The following PRICKLE2 variants were observed in gnomAD, a reference collection of about 807,000 sequenced individuals.
PRICKLE2 encodes prickle planar cell polarity protein 2.
PRICKLE2 carries 21 observed loss-of-function variants against 81.4 expected under a neutral mutation model. The ratio of observed to expected loss-of-function variants is 0.26; its 90% CI spans 0.18 to 0.37. PRICKLE2 has a LOEUF of 0.37. PRICKLE2 is among the 10% of genes least tolerant of loss of function. The pLI is 1.00. For missense variants in PRICKLE2, 940 were observed against 1,109.0 expected (o/e 0.85, Z 2.16); for synonymous variants, 456 against 421.5 (o/e 1.08, Z -1.00).
chr3:64,152,197 G>T (rs2077558811), intron 6 of PRICKLE2, among the ~76,000 whole-genome samples: 1 of 152,160 alleles, frequency 6.6e-6, no homozygotes, highest in African/African-American at 2.4e-5. Flanking sequence ...CTCCAAAATG[G>T]ATTATCTCTG....
chr3:64,185,747 G>C (rs188531822), intron 2 of PRICKLE2, among the ~76,000 whole-genome samples: 1 of 152,318 alleles, frequency 6.6e-6, no homozygotes, highest in East Asian at 1.9e-4. Flanking sequence ...GTTTGCTAAA[G>C]AGTAACTTCA....
intron 7 of PRICKLE2, among the ~76,000 whole-genome samples, chr3:64,115,978 G>A (rs1174169125): frequency 6.6e-6 from 1 of 152,074 alleles, no homozygotes; most frequent in African/African-American, 2.4e-5. Flanking sequence ...CAAAAGAACT[G>A]AAATCATAAC....
rs537162579 is a variant in PRICKLE2, at chr3:64,248,649, AC to A, written c.129-49683del. ...ATATCATATATTTAAACAAAACAAAACCAAAACCAAAAAAAACAAAACAAAA... is the reference window on the plus strand; with the variant it reads ...ATATCATATATTTAAACAAAACAAAACAAAACCAAAAAAAACAAAACAAAA... On this transcript the variant is annotated intron_variant, in intron 2 of 8. Transcript: ENST00000295902. Among the ~76,000 whole-genome samples the A allele has an allele frequency of 7.5e-3, 1,111 of 147,344 alleles. 18 individuals carry two copies. The highest frequency in any genetic ancestry group is 7.2e-3 in the Non-Finnish European group (485 of 67,260).
intron 1 of PRICKLE2, chr3:64,199,322 T>A (rs545452483): frequency 4.7e-5 from 18 of 380,276 alleles, no homozygotes; most frequent in African/African-American, 3.0e-4. Context: ...TTTCCTTGAC[T>A]GCAATAGCAA....
chr3:64,128,500 CA>C (rs1349970014), intron 7 of PRICKLE2, among the ~76,000 whole-genome samples: 3 of 152,096 alleles, frequency 2.0e-5, no homozygotes, highest in Non-Finnish European at 2.9e-5. Context: ...GTAATCCTAA[CA>C]CTTTGGGAGC....
At position 64,225,268 on chromosome 3, in the gene PRICKLE2, C is replaced by G. The variant is rs755434067; in HGVS notation, c.-399G>C. On this transcript the variant is annotated 5_prime_UTR_variant, in exon 1 of 8. Transcript: ENST00000638394. ...GGACCCCCAGTTTCCTCTTAACTCC[C>G]CTTCTTCATGACAATCTGAAGGAAG... is the stretch of plus-strand genomic sequence containing the variant. 5.4e-5 allele frequency: 53 copies of G among 985,406 alleles called. No homozygotes were observed. Among genetic ancestry groups the G allele is most frequent in the Non-Finnish European group, 6.0e-5 (50 of 830,032 alleles). 61.0% of individuals were successfully genotyped at this position (985,406 alleles called of 1,614,324 possible).
At chr3:64,168,922 G>A (rs1456343469) in intron 2 of PRICKLE2, among the ~76,000 whole-genome samples, 2 of 152,076 alleles carry the variant, frequency 1.3e-5, no homozygotes, top group African/African-American at 2.4e-5. Flanking sequence ...CCAAATTACA[G>A]TCTTTCCACA....
intron 2 of PRICKLE2, among the ~76,000 whole-genome samples, chr3:64,197,747 G>A (rs1462021258): frequency 6.6e-6 from 1 of 151,936 alleles, no homozygotes; most frequent in Non-Finnish European, 1.5e-5. Context: ...TAACTAATGG[G>A]TACTAGGCTT....
intron 2 of PRICKLE2, among the ~76,000 whole-genome samples, chr3:64,185,782 A>G (rs143399689): frequency 1.3e-5 from 2 of 152,334 alleles, no homozygotes; most frequent in African/African-American, 4.8e-5. Context: ...CCATCACTTT[A>G]TCGAGGTATC....
At chr3:64,217,477 T>C (rs2078889929) in intron 1 of PRICKLE2, among the ~76,000 whole-genome samples, 1 of 152,200 alleles carries the variant, frequency 6.6e-6, no homozygotes, top group African/African-American at 2.4e-5. Flanking sequence ...AAACTTTCAG[T>C]AAGCCTGCAG....
chr3:64,129,994 G>A (rs946647518), intron 7 of PRICKLE2, among the ~76,000 whole-genome samples: 13 of 152,178 alleles, frequency 8.5e-5, no homozygotes, highest in African/African-American at 3.1e-4. Context: ...GTCACCAAGA[G>A]TTTTTATTTT....
intron 2 of PRICKLE2, among the ~76,000 whole-genome samples, chr3:64,230,501 G>A (rs564160814): frequency 2.0e-5 from 3 of 152,302 alleles, no homozygotes; most frequent in East Asian, 3.9e-4. Flanking sequence ...TTTGAAACAT[G>A]TGAAGCTTCT....
rs376231873 is a variant in PRICKLE2, at chr3:64,147,131, C to T, written c.1359G>A (p.Ser453=). The T allele has an allele frequency of 2.5e-5, 40 of 1,614,018 alleles. No individual in the cohort carries two copies. In the South Asian group the frequency reaches 3.2e-4, roughly 13 times the overall value. The change falls in exon 7 of 8, where the codon TCG becomes TCA. Residue 453 remains serine (S), a synonymous_variant. Coordinates refer to ENST00000638394, the MANE Select transcript of PRICKLE2 (RefSeq NM_198859.4). The surrounding 1 kb of genome is among the most constrained non-coding windows in gnomAD (Gnocchi z 5.0). The part of the protein sequence containing the change: ...GKHFSNPKRS[S]SLAMTGHAGS... ...CAGCATGTCCTGTCATGGCCAGTGA[C>T]GAGCTCCTTTTGGGGTTGCTGAAGT... is the stretch of plus-strand genomic sequence containing the variant.
intron 4 of PRICKLE2, among the ~76,000 whole-genome samples, chr3:64,159,325 G>A (rs897632533): frequency 1.3e-5 from 2 of 152,220 alleles, no homozygotes; most frequent in African/African-American, 4.8e-5. Flanking sequence ...CTCGTTCTGG[G>A]ATGATCCTGG....
At chr3:64,223,202 GACA>G (rs770347983) in intron 1 of PRICKLE2, among the ~76,000 whole-genome samples, 35 of 152,016 alleles carry the variant, frequency 2.3e-4, no homozygotes, top group Admixed American at 7.9e-4. Flanking sequence ...TGGTAACAAT[GACA>G]ACAACAACAA....
chr3:64,260,854 AAT>A lies in PRICKLE2; in HGVS notation c.129-61889_129-61888del, dbSNP rs200446123. Among the ~76,000 whole-genome samples the A allele has an allele frequency of 2.4e-4, 37 of 152,300 alleles. 1 individual carries two copies. In the East Asian group the frequency reaches 7.1e-3, roughly 29 times the overall value. ...AAAGATCAGCTCTGACAGATTAAAAAATATATATGTTTACTGCTTTCTGAGTT... is the reference window on the plus strand; with the variant it reads ...AAAGATCAGCTCTGACAGATTAAAAAATATATGTTTACTGCTTTCTGAGTT... On this transcript the variant is annotated intron_variant, in intron 2 of 8. Transcript: ENST00000295902.
intron 1 of PRICKLE2, among the ~76,000 whole-genome samples, chr3:64,210,057 T>C (rs1395666829): frequency 6.6e-6 from 1 of 152,100 alleles, no homozygotes; most frequent in African/African-American, 2.4e-5. Flanking sequence ...CCTCCACCAC[T>C]GTCTAGATTA....
intron 2 of PRICKLE2, among the ~76,000 whole-genome samples, chr3:64,255,992 G>T (rs1422354567): frequency 6.6e-6 from 1 of 152,134 alleles, no homozygotes; most frequent in Non-Finnish European, 1.5e-5. Context: ...CAGGAAAAAA[G>T]CAAGCTGGGT....
Position 64,099,176 on chromosome 3 carries a change from C to T in PRICKLE2, c.2410G>A (p.Val804Ile), listed in dbSNP as rs748036417. The change falls in exon 8 of 8, where the codon GTC becomes ATC. Residue 804 changes from valine (V) to isoleucine (I), a missense_variant. Val to Ile is a conservative substitution (Grantham distance 29). Transcript: ENST00000638394. The surrounding 1 kb of genome is among the most constrained non-coding windows in gnomAD (Gnocchi z 4.3). ...TTGTGCAGCAGCTCATCGCTTGTGACGTATCGCAGGCGCGCTGGCTGGGGG... is the reference window on the plus strand; with the variant it reads ...TTGTGCAGCAGCTCATCGCTTGTGATGTATCGCAGGCGCGCTGGCTGGGGG... ...PIPQPARLRY[V>I]TSDELLHKYS... 1.9e-6 allele frequency: 3 copies of T among 1,614,116 alleles called. No homozygotes were observed. The highest frequency in any genetic ancestry group is 1.1e-5 in the South Asian group (1 of 91,094).
Sources: gnomAD v4.1 joint callset for allele counts (sites outside exome capture counted in the v4.1 genomes callset) on GRCh38, gnomAD v4.1.1 for gene constraint, Gnocchi (gnomAD v3.1) non-coding constraint, MANE v1.5 for transcripts, NCBI Gene and HGNC (gene_info 2026-07-23, HGNC 2026-07-21) for gene names.